Variants in AKAP7 observed in about 807,000 individuals in gnomAD.
AKAP7 encodes A-kinase anchoring protein 7, also known as A kinase (PRKA) anchor protein 7.
AKAP7 carries 39 observed loss-of-function variants against 39.5 expected under a neutral mutation model. The observed-to-expected ratio is 0.99, with a 90% CI of 0.76 to 1.29. The LOEUF is 1.29. Among genes scored for constraint, AKAP7 ranks in the 50% most tolerant of loss-of-function variants. AKAP7 has a pLI of 0.00. For synonymous variants in AKAP7, 140 were observed against 139.1 expected (o/e 1.01, Z -0.05); for missense variants, 414 against 407.7 (o/e 1.02, Z -0.13).
chr6:131,219,522 G>T, intron 6 of AKAP7, 139 bp from the exon 7 acceptor site: 2 of 677,740 alleles, frequency 3.0e-6, no homozygotes, highest in African/African-American at 1.9e-5. Flanking sequence ...TTTTATTGTT[G>T]TATATCCATT....
chr6:131,264,748 G>A (rs755913019), intron 7 of AKAP7, among the ~76,000 whole-genome samples: 6 of 152,116 alleles, frequency 3.9e-5, no homozygotes, highest in Non-Finnish European at 8.8e-5. Flanking sequence ...AGTTCTGCAC[G>A]CTGAACAGGA....
In AKAP7 at chr6:131,282,470, A is replaced by C; in HGVS notation, c.*744A>C. On this transcript the variant is annotated 3_prime_UTR_variant, in exon 8 of 8. Coordinates refer to ENST00000431975, the MANE Select transcript of AKAP7 (RefSeq NM_016377.4). ...TCGAGAAACGATGGGTCTGAAGTCCAAAGTGAAACAGATAAAGGAACTTTT... is the reference window on the plus strand; with the variant it reads ...TCGAGAAACGATGGGTCTGAAGTCCCAAGTGAAACAGATAAAGGAACTTTT... The C allele has an allele frequency of 6.5e-7, 1 of 1,535,782 alleles. No individual in the cohort carries two copies. Among genetic ancestry groups the C allele is most frequent in the Non-Finnish European group, 8.7e-7 (1 of 1,146,702 alleles).
At chr6:131,136,545 G>A (rs913257276) in intron 1 of AKAP7, among the ~76,000 whole-genome samples, 1 of 152,210 alleles carries the variant, frequency 6.6e-6, no homozygotes, top group Non-Finnish European at 1.5e-5. Flanking sequence ...GGAAATGCAT[G>A]GGAATGGAAA....
At chr6:131,212,667 A>C (rs1488445253) in intron 6 of AKAP7, among the ~76,000 whole-genome samples, 1 of 152,144 alleles carries the variant, frequency 6.6e-6, no homozygotes, top group Non-Finnish European at 1.5e-5. Context: ...TTTTCTAAGT[A>C]GTATGCAGGG....
At chr6:131,187,634 G>C (rs1457094691) in intron 5 of AKAP7, among the ~76,000 whole-genome samples, 1 of 152,068 alleles carries the variant, frequency 6.6e-6, no homozygotes, top group Non-Finnish European at 1.5e-5. Flanking sequence ...GGTCTTTGAG[G>C]GAATCTTCCG....
upstream of AKAP7, among the ~76,000 whole-genome samples, chr6:131,134,797 A>T (rs1457193511): frequency 6.6e-6 from 1 of 152,196 alleles, no homozygotes; most frequent in African/African-American, 2.4e-5. Flanking sequence ...GCGAAGTGTT[A>T]TTATTCACGA....
chr6:131,220,501 T>C (rs1027280431), intron 7 of AKAP7, among the ~76,000 whole-genome samples: 2 of 152,228 alleles, frequency 1.3e-5, no homozygotes, highest in Non-Finnish European at 2.9e-5. Flanking sequence ...GACACTATTC[T>C]TTTAAAACTG....
upstream of AKAP7, among the ~76,000 whole-genome samples, chr6:131,134,460 G>C (rs890993435): frequency 1.2e-4 from 19 of 152,150 alleles, no homozygotes; most frequent in African/African-American, 4.1e-4. Flanking sequence ...TCTTCACTAT[G>C]AATGTGGACC....
At chr6:131,187,108 G>A (rs1364306033) in intron 5 of AKAP7, among the ~76,000 whole-genome samples, 1 of 152,048 alleles carries the variant, frequency 6.6e-6, no homozygotes, top group Non-Finnish European at 1.5e-5. Context: ...AGAGATCCTT[G>A]AGGTTCAATA....
chr6:131,249,425 A>T (rs958769599), intron 7 of AKAP7, among the ~76,000 whole-genome samples: 1 of 151,926 alleles, frequency 6.6e-6, no homozygotes, highest in African/African-American at 2.4e-5. Context: ...TTTTGTTTGG[A>T]TGATCATGAA....
At chr6:131,167,989 G>A (rs1292802140) in intron 4 of AKAP7, among the ~76,000 whole-genome samples, 2 of 152,066 alleles carry the variant, frequency 1.3e-5, no homozygotes, top group Non-Finnish European at 2.9e-5. Flanking sequence ...CTGCCCTCTA[G>A]TGATATTTCA....
intron 7 of AKAP7, among the ~76,000 whole-genome samples, chr6:131,258,605 A>G (rs1241907406): frequency 1.3e-5 from 2 of 152,234 alleles, no homozygotes; most frequent in Non-Finnish European, 2.9e-5. Flanking sequence ...CCTTGAAACT[A>G]TTAAAATAAA....
intron 7 of AKAP7, among the ~76,000 whole-genome samples, chr6:131,277,091 C>G (rs571977904): frequency 2.6e-5 from 4 of 152,232 alleles, no homozygotes; most frequent in African/African-American, 9.6e-5. Flanking sequence ...TTAATATAAA[C>G]AAAACAGAAT....
intron 7 of AKAP7, among the ~76,000 whole-genome samples, chr6:131,257,808 T>A (rs774722098): frequency 3.0e-4 from 45 of 152,166 alleles, no homozygotes; most frequent in Non-Finnish European, 4.3e-4. Flanking sequence ...TCTGAGCCTC[T>A]GAGTTCAGCC....
In AKAP7 at chr6:131,219,659, AG is replaced by A. The variant is rs1207828970; in HGVS notation, c.704del. ...TTGATTGATTTGTTTTTTCATTTCA[AG>A]GGAGTGAAAAAAATAGATCCTGATT... On this transcript the variant is annotated splice_acceptor_variant, in intron 6 of 7. Coordinates refer to ENST00000431975, the MANE Select transcript of AKAP7 (RefSeq NM_016377.4). LOFTEE classifies it high-confidence loss of function. 7 of 1,591,704 alleles carry A rather than the reference AG, an allele frequency of 4.4e-6. No homozygotes were observed. In the East Asian group the frequency reaches 6.8e-5, roughly 16 times the overall value.
At chr6:131,143,738 C>CTTTTTTT (rs768597844) in intron 1 of AKAP7, among the ~76,000 whole-genome samples, 3 of 142,824 alleles carry the variant, frequency 2.1e-5, no homozygotes, top group African/African-American at 2.5e-5. Flanking sequence ...TAGCCATATT[C>CTTTTTTT]TTTTTTTTTT....
intron 5 of AKAP7, chr6:131,185,400 G>A (rs1403677116): frequency 1.2e-5 from 6 of 514,898 alleles, no homozygotes; most frequent in Non-Finnish European, 2.2e-5. Context: ...GCACAGAGGT[G>A]GGCATTGTAA....
chr6:131,244,708 G>A (rs59927394), intron 7 of AKAP7, among the ~76,000 whole-genome samples: 4,532 of 152,280 alleles, frequency 0.03, 208 homozygotes, highest in African/African-American at 0.1. Flanking sequence ...ATTTCGGAAT[G>A]ACTCTTGTGG....
chr6:131,280,657 G>T (rs146514243), intron 7 of AKAP7, among the ~76,000 whole-genome samples: 2 of 152,280 alleles, frequency 1.3e-5, no homozygotes, highest in Admixed American at 6.5e-5. Flanking sequence ...TCCCCAGCTC[G>T]ATGGGAGGAG....
Sources: gnomAD v4.1 joint callset for allele counts (sites outside exome capture counted in the v4.1 genomes callset) on GRCh38, gnomAD v4.1.1 for gene constraint, MANE v1.5 for transcripts, NCBI Gene and HGNC (gene_info 2026-07-23, HGNC 2026-07-21) for gene names.